Variants in FDFT1 observed in about 807,000 individuals in gnomAD.
FDFT1 encodes farnesyl-diphosphate farnesyltransferase 1, also known as squalene synthase.
FDFT1 carries 68 observed loss-of-function variants against 46.8 expected under a neutral mutation model. That is an observed-to-expected ratio of 1.45 (90% CI 1.19 to 1.78). The LOEUF (loss-of-function observed/expected upper bound fraction) is 1.78, where lower values mean the gene tolerates loss of function less well. FDFT1 is among the 40% of genes most tolerant of loss of function. The pLI is 0.00. For missense variants in FDFT1, 928 were observed against 524.4 expected (o/e 1.77, Z -7.52); for synonymous variants, 351 against 185.1 (o/e 1.90, Z -7.28).
intron 3 of FDFT1, among the ~76,000 whole-genome samples, chr8:11,820,954 CT>C (rs1809154600): frequency 6.6e-6 from 1 of 152,238 alleles, no homozygotes; most frequent in Non-Finnish European, 1.5e-5. Context: ...CTGCATCGAT[CT>C]TGCTGGGAGC....
At chr8:11,809,983 A>C (rs1585885056) in intron 3 of FDFT1, 133 bp downstream of exon 3, 3 of 651,952 alleles carry the variant, frequency 4.6e-6, no homozygotes, top group Non-Finnish European at 2.5e-6. Flanking sequence ...AGGGTTAAAA[A>C]CTCCGGTAGC....
intron 3 of FDFT1, among the ~76,000 whole-genome samples, chr8:11,817,841 T>G (rs2130787328): frequency 6.6e-6 from 1 of 151,824 alleles, no homozygotes; most frequent in East Asian, 1.9e-4. Context: ...TTTGAAGGGT[T>G]TTTTGTGTGT....
Position 11,808,305 on chromosome 8 carries a change from C to G in FDFT1, c.100-489C>G, listed in dbSNP as rs1807150093. The G allele has an allele frequency of 2.4e-6, 3 of 1,227,194 alleles. No homozygotes were observed. In the East Asian group the frequency reaches 9.6e-5, roughly 39 times the overall value. 76.0% of individuals were successfully genotyped at this position (1,227,194 alleles called of 1,614,324 possible). A position where few individuals can be genotyped will look rare whatever the true frequency, so the allele number is the denominator to read the frequency against. On this transcript the variant is annotated intron_variant, in intron 1 of 7. Coordinates refer to ENST00000220584, the MANE Select transcript of FDFT1 (RefSeq NM_004462.5). ...GAAGTGCGCTGGGTTCCCTTAGCGG[C>G]CAGTGGGTTCTGGTGAGAAGGGCAA...
chr8:11,838,359 C>G (rs375494480), intron 7 of FDFT1, 29 bp from the exon 8 acceptor site: 56 of 1,558,968 alleles, frequency 3.6e-5, no homozygotes, highest in Non-Finnish European at 4.8e-5. Context: ...GCACATAGCA[C>G]TTATCATTTT....
chr8:11,832,560 A>G (rs1810956310), intron 7 of FDFT1, among the ~76,000 whole-genome samples: 1 of 146,932 alleles, frequency 6.8e-6, no homozygotes, highest in East Asian at 2.0e-4. Flanking sequence ...TCAAAAAAAA[A>G]AAAAAAAAAA....
rs902608470 is a variant in FDFT1 at position 11,838,662 on chromosome 8, C to T, written c.*53C>T. 6.9e-5 allele frequency: 92 copies of T among 1,339,594 alleles called. No homozygotes were observed. Among genetic ancestry groups the T allele is most frequent in the Non-Finnish European group, 9.0e-5 (84 of 930,726 alleles). The allele number at this position is 1,339,594 out of a possible 1,614,324, so 83.0% of individuals were successfully genotyped here. ...ACCATAAAGTGGATTTACTTTTTTT[C>T]TTTAAGGATGGATGTTGTGTTCTCT... On this transcript the variant is annotated 3_prime_UTR_variant, in exon 8 of 8. Transcript: ENST00000220584.
intron 3 of FDFT1, among the ~76,000 whole-genome samples, chr8:11,810,314 A>G (rs1327136503): frequency 2.6e-5 from 4 of 152,194 alleles, no homozygotes; most frequent in African/African-American, 7.2e-5. Flanking sequence ...GCCTACCTGT[A>G]ACACTGCTGG....
At chr8:11,831,777 C>G in intron 7 of FDFT1, 107 bp downstream of exon 7, 1 of 956,610 alleles carries the variant, frequency 1.0e-6, no homozygotes, top group Non-Finnish European at 1.6e-6. Flanking sequence ...AATTCACTAT[C>G]CTGTGGCCTA....
intron 2 of FDFT1, chr8:11,809,320 T>G: frequency 3.7e-6 from 4 of 1,091,324 alleles, no homozygotes; most frequent in Non-Finnish European, 4.5e-6. Flanking sequence ...ACTGAGAAGT[T>G]ACTGTGTTTT....
chr8:11,807,015 G>A (rs966418626), intron 1 of FDFT1, among the ~76,000 whole-genome samples: 14 of 108,802 alleles, frequency 1.3e-4, no homozygotes, highest in Admixed American at 3.0e-4. Context: ...TTCATGATAG[G>A]AAATATATAC....
chr8:11,804,933 G>GC (rs1242503534), intron 1 of FDFT1, among the ~76,000 whole-genome samples: 1 of 145,552 alleles, frequency 6.9e-6, no homozygotes, highest in Admixed American at 6.8e-5. Flanking sequence ...TTTGAGGGGG[G>GC]GGTCTCACTC....
rs746762581 is a variant in FDFT1 at position 11,809,774 on chromosome 8, CTT to C, written c.307_308del (p.Phe103ProfsTer28). 5 of 1,614,188 alleles carry C rather than the reference CTT, an allele frequency of 3.1e-6. No homozygotes were observed. The highest frequency in any genetic ancestry group is 4.2e-6 in the Non-Finnish European group (5 of 1,180,018). ...GTCCCGCTGTTACACAACTTTCACT[CTT>C]TCCTTTACCAACCAGACTGGCGGTT... On this transcript the variant is annotated frameshift_variant, in exon 3 of 8. Coordinates refer to ENST00000220584, the MANE Select transcript of FDFT1 (RefSeq NM_004462.5). LOFTEE classifies it high-confidence loss of function.
At chr8:11,831,914 C>G (rs1563340394) in intron 7 of FDFT1, 3 of 382,560 alleles carry the variant, frequency 7.8e-6, no homozygotes, top group Non-Finnish European at 1.4e-5. Flanking sequence ...GTTGGAGCCC[C>G]TCAGTAGAAT....
chr8:11,819,271 GC>G (rs1337406823), intron 3 of FDFT1, among the ~76,000 whole-genome samples: 2 of 152,170 alleles, frequency 1.3e-5, no homozygotes, highest in South Asian at 2.1e-4. Context: ...CTCTCTGGCA[GC>G]CCTTAACATT....
chr8:11,799,261 T>C (rs764014422), upstream of FDFT1, among the ~76,000 whole-genome samples: 41 of 152,220 alleles, frequency 2.7e-4, no homozygotes, highest in Non-Finnish European at 4.9e-4. Flanking sequence ...GTTACTGAGA[T>C]CAATCTCTTG....
At chr8:11,804,161 T>C (rs1409720456) in intron 1 of FDFT1, among the ~76,000 whole-genome samples, 2 of 152,200 alleles carry the variant, frequency 1.3e-5, no homozygotes, top group Non-Finnish European at 2.9e-5. Flanking sequence ...GAGAGACAAT[T>C]TAAGAAAGCG....
intron 7 of FDFT1, among the ~76,000 whole-genome samples, chr8:11,832,296 T>G (rs1462759996): frequency 6.6e-6 from 1 of 152,000 alleles, no homozygotes; most frequent in East Asian, 1.9e-4. Flanking sequence ...AGCTTACTCC[T>G]GAAATCCCAG....
chr8:11,822,576 G>A (rs1809413193), intron 4 of FDFT1, among the ~76,000 whole-genome samples: 2 of 152,350 alleles, frequency 1.3e-5, no homozygotes, highest in South Asian at 4.1e-4. Flanking sequence ...CACTTTGGGA[G>A]GCTGAGGTGG....
At chr8:11,825,286 A>T (rs1809805663) in intron 4 of FDFT1, among the ~76,000 whole-genome samples, 1 of 152,106 alleles carries the variant, frequency 6.6e-6, no homozygotes, top group African/African-American at 2.4e-5. Flanking sequence ...TTGGGCTGGT[A>T]ATCCCAGCAC....
Sources: gnomAD v4.1 joint callset for allele counts (sites outside exome capture counted in the v4.1 genomes callset) on GRCh38, gnomAD v4.1.1 for gene constraint, MANE v1.5 for transcripts, NCBI Gene and HGNC (gene_info 2026-07-23, HGNC 2026-07-21) for gene names.